CACNG4: variants seen among roughly 807,000 people sequenced by gnomAD.
CACNG4 encodes the protein calcium voltage-gated channel auxiliary subunit gamma 4, also known as voltage-dependent calcium channel gamma-4 subunit.
A neutral mutation model predicts 22.9 loss-of-function variants in CACNG4; 8 were observed. That is an observed-to-expected ratio of 0.35 (90% confidence interval 0.21 to 0.63). The LOEUF (loss-of-function observed/expected upper bound fraction) is 0.63, where lower values mean the gene tolerates loss of function less well. CACNG4 is among the 30% of genes least tolerant of loss of function. The pLI is 0.72. For synonymous variants in CACNG4, 188 were observed against 191.9 expected (o/e 0.98, Z 0.17); for missense variants, 357 against 455.4 (o/e 0.78, Z 1.97).
At chr17:66,991,940 C>G (rs964885217) in intron 1 of CACNG4, among the ~76,000 whole-genome samples, 2 of 152,210 alleles carry the variant, frequency 1.3e-5, no homozygotes, top group African/African-American at 4.8e-5. Context: ...GCCTCTCTTA[C>G]CACCATGCCT....
At chr17:66,983,934 G>C (rs1042040047) in intron 1 of CACNG4, among the ~76,000 whole-genome samples, 1 of 152,240 alleles carries the variant, frequency 6.6e-6, no homozygotes, top group South Asian at 2.1e-4. Context: ...GCTCAGCACA[G>C]TGGCTCCCTT....
chr17:66,991,585 T>A (rs1273183190), intron 1 of CACNG4, among the ~76,000 whole-genome samples: 2 of 152,146 alleles, frequency 1.3e-5, no homozygotes, highest in Admixed American at 1.3e-4. Flanking sequence ...AACACCTCCC[T>A]ACTCACATGG....
At position 66,989,958 on chromosome 17, in the gene CACNG4, C is replaced by T. The variant is rs141454264; in HGVS notation, c.220+24827C>T. On this transcript the variant is annotated intron_variant, in intron 1 of 3. Transcript: ENST00000262138. The stretch of plus-strand genomic sequence containing the variant: ...ACTGGGGTCCTGAAGGCAAAATGAG[C>T]GACTTTGGGTGAAAAATACATTCAT... 2.6e-5 allele frequency among the ~76,000 whole-genome samples: 4 copies of T among 152,220 alleles called. No individual in the cohort carries two copies. In the East Asian group the frequency reaches 7.7e-4, roughly 29 times the overall value.
intron 3 of CACNG4, among the ~76,000 whole-genome samples, chr17:67,026,374 TGTG>T (rs1460119996): frequency 1.3e-5 from 2 of 150,548 alleles, no homozygotes; most frequent in Admixed American, 6.6e-5. Context: ...ATTTGAGGAA[TGTG>T]GTGTGTGTGT....
chr17:67,010,016 T>A (rs564720871), intron 1 of CACNG4, among the ~76,000 whole-genome samples: 1 of 151,780 alleles, frequency 6.6e-6, no homozygotes, highest in African/African-American at 2.4e-5. Context: ...CCCCCATCAC[T>A]GCTACCCAAC....
chr17:67,006,945 C>T (rs1458210387), intron 1 of CACNG4, among the ~76,000 whole-genome samples: 3 of 151,840 alleles, frequency 2.0e-5, no homozygotes, highest in East Asian at 3.9e-4. Flanking sequence ...GAGGTCAAGG[C>T]GGGTGGATCA....
rs909612209 is a variant in CACNG4, at chr17:67,031,086, C to T, written c.*82C>T. ...ACAGGATGGCATGTGATCCTCAAGA[C>T]GACGAACAATGAACTAAAGCCAAAT... On this transcript the variant is annotated 3_prime_UTR_variant, in exon 4 of 4. Transcript: ENST00000262138. The surrounding 1 kb of genome is among the most constrained non-coding windows in gnomAD (Gnocchi z 4.0). 3.3e-5 allele frequency: 48 copies of T among 1,455,410 alleles called. 2 individuals are homozygous for T. Among genetic ancestry groups the T allele is most frequent in the South Asian group, 1.7e-4 (13 of 77,818 alleles). The allele number at this position is 1,455,410 out of a possible 1,614,324, so 90.2% of individuals were successfully genotyped here.
intron 1 of CACNG4, among the ~76,000 whole-genome samples, chr17:67,008,953 A>G (rs557112983): frequency 1.3e-5 from 2 of 152,176 alleles, no homozygotes; most frequent in Non-Finnish European, 2.9e-5. Context: ...TGTCTCAAAA[A>G]GAAAAAAATG....
intron 1 of CACNG4, among the ~76,000 whole-genome samples, chr17:67,004,045 A>G (rs1001748487): frequency 1.3e-5 from 2 of 152,242 alleles, no homozygotes; most frequent in East Asian, 3.8e-4. Flanking sequence ...AGATCTGCAG[A>G]GGCAAACCAA....
intron 1 of CACNG4, among the ~76,000 whole-genome samples, chr17:67,003,513 A>G (rs2035420495): frequency 6.6e-6 from 1 of 152,106 alleles, no homozygotes; most frequent in Non-Finnish European, 1.5e-5. Context: ...GAAGGGGAAG[A>G]CTCAGTTCTG....
At chr17:67,021,048 T>C (rs2143360941) in intron 2 of CACNG4, among the ~76,000 whole-genome samples, 1 of 152,032 alleles carries the variant, frequency 6.6e-6, no homozygotes, top group East Asian at 1.9e-4. Context: ...AAAATAAAAA[T>C]AAATTAGCCA....
At chr17:67,011,541 C>T (rs1370085621) in intron 1 of CACNG4, among the ~76,000 whole-genome samples, 5 of 152,130 alleles carry the variant, frequency 3.3e-5, no homozygotes, top group South Asian at 2.1e-4. Context: ...ATGAGAGCTC[C>T]GTGAGGGCCA....
chr17:66,980,620 CTTT>C (rs67051865), intron 1 of CACNG4, among the ~76,000 whole-genome samples: 2 of 107,014 alleles, frequency 1.9e-5, no homozygotes. Context: ...TGTGTAAATT[CTTT>C]TTTTTTTTTT....
intron 3 of CACNG4, among the ~76,000 whole-genome samples, chr17:67,026,593 G>A (rs771798287): frequency 1.1e-3 from 159 of 149,056 alleles, no homozygotes; most frequent in Admixed American, 2.6e-3. Flanking sequence ...GTGTGTGTCT[G>A]AGGAGTGTGG....
intron 2 of CACNG4, among the ~76,000 whole-genome samples, chr17:67,018,562 C>A (rs904318860): frequency 2.6e-5 from 4 of 152,158 alleles, no homozygotes; most frequent in African/African-American, 9.7e-5. Flanking sequence ...CTGGGCATGG[C>A]AGGCTTCAAA....
chr17:66,969,684 G>C (rs2035192258), intron 1 of CACNG4, among the ~76,000 whole-genome samples: 1 of 152,150 alleles, frequency 6.6e-6, no homozygotes, highest in Non-Finnish European at 1.5e-5. Flanking sequence ...AGGGGCCCCA[G>C]CTGCCCCGAG....
chr17:67,006,176 G>A (rs2035436402), intron 1 of CACNG4, among the ~76,000 whole-genome samples: 1 of 152,202 alleles, frequency 6.6e-6, no homozygotes, highest in Non-Finnish European at 1.5e-5. Context: ...GCCGTGTCGA[G>A]GCAGCCAGGC....
rs1190102358 is a variant in CACNG4, at chr17:66,965,164, A to C, written c.220+33A>C. 6.9e-6 allele frequency: 7 copies of C among 1,011,390 alleles called. No homozygotes were observed. In the African/African-American group the frequency reaches 9.3e-5, roughly 14 times the overall value. The allele number at this position is 1,011,390 out of a possible 1,614,324, so 62.7% of individuals were successfully genotyped here. ...CAGCCCCGACCCCTCGCCGCCCCACACACACACACACACACACACACATAT... is the reference window on the plus strand; with the variant it reads ...CAGCCCCGACCCCTCGCCGCCCCACCCACACACACACACACACACACATAT... On this transcript the variant is annotated intron_variant, in intron 1 of 3. Transcript: ENST00000262138.
At chr17:66,968,319 G>C (rs2035182670) in intron 1 of CACNG4, among the ~76,000 whole-genome samples, 1 of 152,156 alleles carries the variant, frequency 6.6e-6, no homozygotes, top group South Asian at 2.1e-4. Flanking sequence ...GCAGCATGAA[G>C]GCATTAGAAG....
Sources: gnomAD v4.1 joint callset for allele counts (sites outside exome capture counted in the v4.1 genomes callset) on GRCh38, gnomAD v4.1.1 for gene constraint, Gnocchi (gnomAD v3.1) non-coding constraint, MANE v1.5 for transcripts, NCBI Gene and HGNC (gene_info 2026-07-23, HGNC 2026-07-21) for gene names.